CDC42BPB: variants seen among roughly 807,000 people sequenced by gnomAD.
The protein encoded by CDC42BPB is CDC42 binding protein kinase beta.
Under a neutral mutation model 214.9 loss-of-function variants are expected in CDC42BPB, and 37 were observed. The observed-to-expected ratio is 0.17, with a 90% confidence interval of 0.13 to 0.23. The LOEUF is 0.23. Among genes scored for constraint, CDC42BPB ranks in the 10% least tolerant of loss-of-function variants. CDC42BPB has a pLI of 1.00. For synonymous variants in CDC42BPB, 931 were observed against 884.0 expected, an observed-to-expected ratio of 1.05 and a Z score of -0.94; for missense variants, 1,694 against 2,227.0, an observed-to-expected ratio of 0.76 and a Z score of 4.82.
At chr14:102,987,520 G>A (rs956287748) in intron 5 of CDC42BPB, among the ~76,000 whole-genome samples, 1 of 152,184 alleles carries the variant, frequency 6.6e-6, no homozygotes, top group Non-Finnish European at 1.5e-5. Flanking sequence ...GAATGGGTGA[G>A]TAAGCTGGGC....
chr14:103,050,206 G>A (rs1888525081), intron 1 of CDC42BPB, among the ~76,000 whole-genome samples: 2 of 152,184 alleles, frequency 1.3e-5, no homozygotes, highest in African/African-American at 4.8e-5. Context: ...AAGTGGGAAA[G>A]GCATTCATTT....
At chr14:103,017,495 C>A (rs1361134544) in intron 1 of CDC42BPB, among the ~76,000 whole-genome samples, 2 of 152,030 alleles carry the variant, frequency 1.3e-5, no homozygotes, top group African/African-American at 4.8e-5. Context: ...GCAGACATCA[C>A]CTGAAATCAA....
intron 16 of CDC42BPB, 30 bp from the exon 17 acceptor site, chr14:102,967,200 T>G (rs1286682467): frequency 6.3e-7 from 1 of 1,595,882 alleles, no homozygotes. Flanking sequence ...CCACAGAACT[T>G]GTTAATCGGG....
intron 13 of CDC42BPB, among the ~76,000 whole-genome samples, chr14:102,970,623 A>G (rs1428925171): frequency 1.3e-5 from 2 of 152,214 alleles, no homozygotes; most frequent in Admixed American, 6.5e-5. Flanking sequence ...AAGAACGAGC[A>G]GAATAGCGAA....
rs55768773 is a variant in CDC42BPB, at chr14:102,994,614, C to T, written c.596+4951G>A. The stretch of plus-strand genomic sequence containing the variant: ...GGCGTCTTCAGGGGAGAGTCAGGCA[C>T]AGCGCTGAGAAGCAGCTCTAGGCTC... On this transcript the variant is annotated intron_variant, in intron 5 of 36. Transcript: ENST00000361246. 3.4e-3 allele frequency among the ~76,000 whole-genome samples: 516 copies of T among 152,332 alleles called. 5 individuals carry two copies. The highest frequency in any genetic ancestry group is 0.012 in the African/African-American group (504 of 41,568).
At chr14:102,995,499 C>T (rs1894686736) in intron 5 of CDC42BPB, among the ~76,000 whole-genome samples, 1 of 152,210 alleles carries the variant, frequency 6.6e-6, no homozygotes, top group Admixed American at 6.5e-5. Flanking sequence ...CCCTTTGTGT[C>T]ATTCATGATC....
chr14:102,975,411 T>C (rs1893692136), intron 11 of CDC42BPB, among the ~76,000 whole-genome samples: 1 of 152,134 alleles, frequency 6.6e-6, no homozygotes, highest in Non-Finnish European at 1.5e-5. Context: ...TAATCCCAGC[T>C]ACTTGGGAGG....
intron 21 of CDC42BPB, among the ~76,000 whole-genome samples, chr14:102,955,564 G>A (rs1005466068): frequency 5.9e-5 from 9 of 152,218 alleles, no homozygotes; most frequent in African/African-American, 2.2e-4. Flanking sequence ...ATGACACAGG[G>A]AAGCAATGTT....
At chr14:102,982,240 T>C (rs1419422822) in intron 7 of CDC42BPB, among the ~76,000 whole-genome samples, 3 of 152,256 alleles carry the variant, frequency 2.0e-5, no homozygotes, top group African/African-American at 7.2e-5. Context: ...GCTTCTACTT[T>C]GGGAAAAACG....
intron 9 of CDC42BPB, 38 bp downstream of exon 9, chr14:102,978,088 G>A: frequency 6.7e-7 from 1 of 1,483,878 alleles, no homozygotes; most frequent in South Asian, 1.1e-5. Context: ...CTACCACAGG[G>A]GAAGTGTCTC....
At chr14:103,039,287 C>CA (rs1887846927) in intron 1 of CDC42BPB, among the ~76,000 whole-genome samples, 1 of 77,520 alleles carries the variant, frequency 1.3e-5, no homozygotes, top group East Asian at 4.1e-4. Context: ...ATCTTGATAC[C>CA]AAACCAAAAA....
In CDC42BPB at chr14:102,949,891, G is replaced by A. The variant is rs759721687; in HGVS notation, c.3323C>T (p.Thr1108Met). 3.7e-6 allele frequency: 6 copies of A among 1,613,298 alleles called. No individual in the cohort carries two copies. The highest frequency in any genetic ancestry group is 1.7e-5 in the Admixed American group (1 of 60,008). The change falls in exon 26 of 37, where the codon ACG (threonine) becomes ATG (methionine). Residue 1108 changes from threonine to methionine, a missense_variant. Thr to Met is a moderately conservative substitution (Grantham distance 81). Transcript: ENST00000361246. ...YKGHVKVPKP[T>M]GVKKGWQRAY... ...GCGCTGCCATCCCTTCTTCACCCCC[G>A]TGGGCTTTGGGACCTATGAATAAAA...
intron 20 of CDC42BPB, among the ~76,000 whole-genome samples, chr14:102,960,461 A>T (rs1264300870): frequency 6.6e-6 from 1 of 151,874 alleles, no homozygotes; most frequent in Non-Finnish European, 1.5e-5. Flanking sequence ...CATAAAAATT[A>T]AATAAATAAA....
At chr14:103,049,659 T>C (rs1888498028) in intron 1 of CDC42BPB, among the ~76,000 whole-genome samples, 1 of 152,226 alleles carries the variant, frequency 6.6e-6, no homozygotes, top group South Asian at 2.1e-4. Context: ...AAAAGTTAAA[T>C]GATGTTAAAA....
chr14:102,938,580 A>G (rs1179306257), intron 34 of CDC42BPB, 169 bp from the exon 35 acceptor site: 4 of 984,644 alleles, frequency 4.1e-6, no homozygotes, highest in Non-Finnish European at 4.8e-6. Flanking sequence ...GGAACTAAGA[A>G]CTGGCAATAG....
intron 5 of CDC42BPB, among the ~76,000 whole-genome samples, chr14:102,987,441 A>C (rs551934768): frequency 6.6e-6 from 1 of 152,354 alleles, no homozygotes; most frequent in South Asian, 2.1e-4. Flanking sequence ...GACAAGTACA[A>C]GCATGTTCCC....
At chr14:103,036,282 A>G (rs1399139044) in intron 1 of CDC42BPB, among the ~76,000 whole-genome samples, 3 of 150,984 alleles carry the variant, frequency 2.0e-5, no homozygotes, top group Non-Finnish European at 1.5e-5. Context: ...CCTCCCGAGT[A>G]GCTGGGACTA....
Position 103,017,259 on chromosome 14 carries a change from C to T in CDC42BPB, c.176-5071G>A, listed in dbSNP as rs183277976. Among the ~76,000 whole-genome samples, 114 of 152,240 alleles carry T rather than the reference C, an allele frequency of 7.5e-4. No homozygotes were observed. The East Asian group carries it at 0.013, about 17-fold the overall frequency. On this transcript the variant is annotated intron_variant, in intron 1 of 36. Transcript: ENST00000361246. ...ATCGCTGGAGCCCGGGAGGTGGAGG[C>T]TGCAGTGAGCTGTGTTTGCACCACT...
intron 20 of CDC42BPB, among the ~76,000 whole-genome samples, chr14:102,960,188 G>C (rs1398231052): frequency 1.3e-5 from 2 of 151,998 alleles, no homozygotes; most frequent in African/African-American, 2.4e-5. Flanking sequence ...CTGGGCGACA[G>C]AGCAAGACTC....
Sources: allele counts gnomAD v4.1 joint callset (sites outside exome capture counted in the v4.1 genomes callset), GRCh38; gene constraint gnomAD v4.1.1; transcripts MANE v1.5; gene names NCBI Gene and HGNC (gene_info 2026-07-23, HGNC 2026-07-21).